The following ST6GAL1 variants were observed in gnomAD, a reference collection of about 807,000 sequenced individuals.
The protein encoded by ST6GAL1 is ST6 beta-galactoside alpha-2,6-sialyltransferase 1.
Under a neutral mutation model 38.0 loss-of-function variants are expected in ST6GAL1, and 20 were observed. The observed-to-expected ratio is 0.53, with a 90% CI of 0.37 to 0.77. The LOEUF (loss-of-function observed/expected upper bound fraction) is 0.77, where lower values mean the gene tolerates loss of function less well. ST6GAL1 is among the 30% of genes least tolerant of loss of function. ST6GAL1 has a pLI of 0.00. For missense variants in ST6GAL1, 432 were observed against 496.4 expected, an observed-to-expected ratio of 0.87 and a Z score of 1.23; for synonymous variants, 196 against 188.2, an observed-to-expected ratio of 1.04 and a Z score of -0.34.
chr3:187,005,093 T>A, intron 2 of ST6GAL1, among the ~76,000 whole-genome samples: 1 of 152,034 alleles, frequency 6.6e-6, no homozygotes, highest in Non-Finnish European at 1.5e-5. Flanking sequence ...TTTAAGGTTT[T>A]TATATATTGA....
chr3:186,991,355 A>G (rs1274121413), intron 2 of ST6GAL1, among the ~76,000 whole-genome samples: 2 of 152,116 alleles, frequency 1.3e-5, no homozygotes, highest in Admixed American at 6.5e-5. Context: ...GTCATGCCCT[A>G]ATAGAGGAAA....
rs78782806 is a variant in ST6GAL1, at chr3:187,044,090, G to A, written c.607+780G>A. ...TGTAGACTGCAGTTTATTCTCTAAG[G>A]GATCTGTGACCCAAAAAAGTTTCAG... On this transcript the variant is annotated intron_variant, in intron 4 of 7. Transcript: ENST00000169298. 9.3e-3 allele frequency among the ~76,000 whole-genome samples: 1,421 copies of A among 152,220 alleles called. 24 individuals carry two copies. Among genetic ancestry groups the A allele is most frequent in the African/African-American group, 0.033 (1,355 of 41,524 alleles).
At chr3:186,982,783 G>A (rs972047296) in intron 2 of ST6GAL1, among the ~76,000 whole-genome samples, 3 of 151,834 alleles carry the variant, frequency 2.0e-5, no homozygotes, top group Non-Finnish European at 2.9e-5. Flanking sequence ...CCGGGTTCAA[G>A]TGTTTCTCCT....
chr3:187,043,009 C>T lies in ST6GAL1; in HGVS notation c.306C>T (p.Ser102=). ...AGGTGTGGAACAAGGACAGCTCTTC[C>T]AAAAACCTTATCCCTAGGCTGCAAA... ...SFQVWNKDSS[S]KNLIPRLQKI... The change falls in exon 4 of 8, where the codon TCC becomes TCT. Residue 102 remains serine, a synonymous_variant. Transcript: ENST00000169298. 1 of 1,614,176 alleles carries T rather than the reference C, an allele frequency of 6.2e-7. No individual in the cohort carries two copies.
chr3:187,045,690 C>G (rs1399218254), intron 4 of ST6GAL1, among the ~76,000 whole-genome samples: 2 of 152,238 alleles, frequency 1.3e-5, no homozygotes, highest in Non-Finnish European at 2.9e-5. Context: ...AAAGACCCCA[C>G]TCTTGGCACC....
chr3:187,011,380 G>C (rs1289507159), intron 2 of ST6GAL1, among the ~76,000 whole-genome samples: 1 of 152,198 alleles, frequency 6.6e-6, no homozygotes, highest in Non-Finnish European at 1.5e-5. Context: ...TCAAATCCTG[G>C]CTCTACAACT....
At chr3:186,997,888 A>C (rs866245316) in intron 2 of ST6GAL1, among the ~76,000 whole-genome samples, 16 of 152,332 alleles carry the variant, frequency 1.1e-4, no homozygotes, top group Middle Eastern at 3.4e-3. Context: ...TCTAATGGAA[A>C]TAGAAAGCAA....
chr3:186,966,192 G>A (rs149682791), intron 2 of ST6GAL1, among the ~76,000 whole-genome samples: 65 of 152,272 alleles, frequency 4.3e-4, no homozygotes, highest in Middle Eastern at 6.8e-3. Context: ...GAGCCATCGT[G>A]CCCGACCTAA....
intron 2 of ST6GAL1, among the ~76,000 whole-genome samples, chr3:187,000,291 T>G (rs1483635215): frequency 1.3e-5 from 2 of 151,994 alleles, no homozygotes; most frequent in Non-Finnish European, 2.9e-5. Flanking sequence ...GGCTCACGTC[T>G]GTAATCTCAG....
intron 2 of ST6GAL1, among the ~76,000 whole-genome samples, chr3:186,984,440 A>T (rs78970761): frequency 0.062 from 9,423 of 150,996 alleles, 390 homozygotes; most frequent in East Asian, 0.2. Flanking sequence ...CCCTGCCCAG[A>T]CTCCTCCACC....
intron 2 of ST6GAL1, among the ~76,000 whole-genome samples, chr3:187,010,872 T>G (rs527699688): frequency 6.6e-6 from 1 of 152,310 alleles, no homozygotes; most frequent in South Asian, 2.1e-4. Flanking sequence ...CCTTTTAACT[T>G]TTTTACCTAT....
intron 2 of ST6GAL1, among the ~76,000 whole-genome samples, chr3:187,007,179 A>C (rs963880641): frequency 2.6e-5 from 4 of 152,218 alleles, no homozygotes; most frequent in Non-Finnish European, 5.9e-5. Context: ...GTGGAAAGCT[A>C]AGAGTCCGAG....
chr3:187,066,841 G>A (rs1407760147), intron 5 of ST6GAL1, among the ~76,000 whole-genome samples: 3 of 151,938 alleles, frequency 2.0e-5, no homozygotes, highest in Non-Finnish European at 4.4e-5. Flanking sequence ...TCCAAACCCA[G>A]GTCACACTCC....
chr3:187,064,589 CAA>C (rs1719031329), intron 5 of ST6GAL1: 1 of 456,734 alleles, frequency 2.2e-6, no homozygotes, highest in Non-Finnish European at 4.4e-6. Flanking sequence ...TACCCACCCT[CAA>C]GAGAGCCTTT....
intron 2 of ST6GAL1, among the ~76,000 whole-genome samples, chr3:186,995,199 T>G (rs1716322782): frequency 1.3e-5 from 2 of 151,948 alleles, no homozygotes; most frequent in Admixed American, 1.3e-4. Context: ...TGCAATAGAT[T>G]GATAAGACCT....
At chr3:186,963,096 G>A (rs767184073) in intron 1 of ST6GAL1, among the ~76,000 whole-genome samples, 11 of 151,954 alleles carry the variant, frequency 7.2e-5, no homozygotes, top group Non-Finnish European at 1.6e-4. Context: ...TACTTTTTCT[G>A]ACACAAGGAA....
At position 186,980,603 on chromosome 3, in the gene ST6GAL1, C is replaced by CA. The variant is rs34503745; in HGVS notation, c.-183+16699dup. Among the ~76,000 whole-genome samples, 586 of 92,142 alleles carry CA rather than the reference C, an allele frequency of 6.4e-3. 7 individuals are homozygous for CA. Among genetic ancestry groups the CA allele is most frequent in the East Asian group, 0.026 (68 of 2,584 alleles). 60.4% of individuals were successfully genotyped at this position (92,142 alleles called of 152,430 possible). A position where few individuals can be genotyped will look rare whatever the true frequency, so the allele number is the denominator to read the frequency against. On this transcript the variant is annotated intron_variant, in intron 2 of 7. Coordinates refer to ENST00000169298, the MANE Select transcript of ST6GAL1 (RefSeq NM_173216.2). ...TGAAACCCATTCTCTACTAAAATTA[C>CA]AAAAAAAAAAAAAAAAAAAAAATTA...
chr3:187,057,124 A>C (rs12054054), intron 5 of ST6GAL1, among the ~76,000 whole-genome samples: 1 of 151,962 alleles, frequency 6.6e-6, no homozygotes, highest in Non-Finnish European at 1.5e-5. Flanking sequence ...TGCATCTCGT[A>C]GTTCTTAAGC....
chr3:187,058,588 G>C (rs561333508), intron 5 of ST6GAL1, among the ~76,000 whole-genome samples: 111 of 151,716 alleles, frequency 7.3e-4, no homozygotes, highest in African/African-American at 2.6e-3. Flanking sequence ...TGCTTCCAAT[G>C]CCTGTTTGTT....
Sources: allele counts gnomAD v4.1 joint callset (sites outside exome capture counted in the v4.1 genomes callset), GRCh38; gene constraint gnomAD v4.1.1; transcripts MANE v1.5; gene names NCBI Gene and HGNC (gene_info 2026-07-23, HGNC 2026-07-21).